The following HGFAC variants were observed in gnomAD, a reference collection of about 807,000 sequenced individuals.
HGFAC encodes the protein hepatocyte growth factor activator serine protease.
A neutral mutation model predicts 70.6 loss-of-function variants in HGFAC; 76 were observed. The ratio of observed to expected loss-of-function variants is 1.08; its 90% CI spans 0.89 to 1.30. HGFAC has a LOEUF of 1.30. Among genes scored for constraint, HGFAC ranks in the 50% most tolerant of loss-of-function variants. The pLI is 0.00. For synonymous variants in HGFAC, 464 were observed against 405.3 expected, an observed-to-expected ratio of 1.14 and a Z score of -1.74; for missense variants, 1,044 against 933.7, an observed-to-expected ratio of 1.12 and a Z score of -1.54.
chr4:3,444,154 C>G lies in HGFAC; in HGVS notation c.591C>G (p.Cys197Trp). ...CCCGGGCCTTCACCGGCAAGGACTG[C>G]GGCACAGGTGAGCTGGGCCTCGGAG... ...SCPRAFTGKD[C>W]GTEKCFDETR... Residue 197 changes from cysteine to tryptophan, a missense_variant, in exon 5 of 14, where the codon TGC becomes TGG. Cys to Trp is a radical substitution (Grantham distance 215, BLOSUM62 -2). Transcript: ENST00000382774. 2 of 1,607,528 alleles carry G rather than the reference C, an allele frequency of 1.2e-6. No homozygotes were observed. The highest frequency in any genetic ancestry group is 1.7e-6 in the Non-Finnish European group (2 of 1,177,662).
intron 10 of HGFAC, among the ~76,000 whole-genome samples, 159 bp downstream of exon 10, chr4:3,446,453 G>A (rs1237346913): frequency 6.6e-6 from 1 of 152,072 alleles, no homozygotes. Context: ...TCTGGGTCTT[G>A]GGGCTCAGTC....
chr4:3,446,688 A>T (rs1725525302), intron 10 of HGFAC, among the ~76,000 whole-genome samples: 1 of 152,036 alleles, frequency 6.6e-6, no homozygotes, highest in Admixed American at 6.6e-5. Context: ...CAGCCAGGGA[A>T]ACTGAGGCCC....
Position 3,447,612 on chromosome 4 carries a change from C to A in HGFAC, c.1476C>A (p.Asn492Lys). 6.2e-7 allele frequency: 1 copy of A among 1,612,660 alleles called. No individual in the cohort carries two copies. The highest frequency in any genetic ancestry group is 8.5e-7 in the Non-Finnish European group (1 of 1,179,870). The change falls in exon 11 of 14, where the codon AAC becomes AAA. Residue 492 changes from asparagine (N) to lysine (K), a missense_variant. Physicochemically the swap from Asn to Lys is moderately conservative, Grantham distance 94. Transcript: ENST00000382774. ...YIPYTLYSVF[N>K]PSDHDLVLIR... ...CGTACACCCTGTACTCGGTGTTCAA[C>A]CCCAGCGACCACGACCTCGGTGAGC... is the stretch of plus-strand genomic sequence containing the variant.
At chr4:3,443,239 C>A in intron 3 of HGFAC, 93 bp downstream of exon 3, 1 of 1,311,792 alleles carries the variant, frequency 7.6e-7, no homozygotes, top group Non-Finnish European at 1.0e-6. Flanking sequence ...GCGCTCACCA[C>A]GCAGCAGGCG....
chr4:3,444,500 C>G, intron 6 of HGFAC, 58 bp downstream of exon 6: 1 of 1,530,276 alleles, frequency 6.5e-7, no homozygotes, highest in Non-Finnish European at 8.8e-7. Context: ...CTGTCCACAC[C>G]CGAGTGGGAG....
In HGFAC at chr4:3,446,076, C is replaced by T. The variant is rs1280665950; in HGVS notation, c.1137C>T (p.Leu379=). 1 of 1,609,298 alleles carries T rather than the reference C, an allele frequency of 6.2e-7. No homozygotes were observed. Among genetic ancestry groups the T allele is most frequent in the African/African-American group, 1.3e-5 (1 of 74,826 alleles). Residue 379 remains leucine (L), a synonymous_variant, in exon 10 of 14, where the codon CTC becomes CTT. Coordinates refer to ENST00000382774, the MANE Select transcript of HGFAC (RefSeq NM_001528.4). ...CCAGAGTCCAACTGTCACCGGATCT[C>T]CTGGCGACCCTGCCTGAGCCAGCCT... is the stretch of plus-strand genomic sequence containing the variant. ...SLTRVQLSPD[L]LATLPEPASP...
rs75531905 is a variant in HGFAC, at chr4:3,448,031, T to A, written c.1632T>A (p.Asp544Glu). ...KCQIAGWGHL[D>E]ENVSGYSSSL... The stretch of plus-strand genomic sequence containing the variant: ...AGATTGCGGGCTGGGGCCACTTGGA[T>A]GAGAGTGAGTTGGGAGGGGGGCGCC... Residue 544 changes from aspartate (D) to glutamate (E), a missense_variant, in exon 12 of 14, where the codon GAT becomes GAA. Coordinates refer to ENST00000382774, the MANE Select transcript of HGFAC (RefSeq NM_001528.4). The A allele has an allele frequency of 2.6e-6, 4 of 1,556,956 alleles. No homozygotes were observed. The African/African-American group carries it at 5.5e-5, about 21-fold the overall frequency.
Position 3,443,150 on chromosome 4 carries a change from G to A in HGFAC, c.395+4G>A, listed in dbSNP as rs779096499. 129 of 1,522,972 alleles carry A rather than the reference G, an allele frequency of 8.5e-5. No individual in the cohort carries two copies. The highest frequency in any genetic ancestry group is 1.1e-4 in the Non-Finnish European group (126 of 1,138,248). 94.3% of individuals were successfully genotyped at this position (1,522,972 alleles called of 1,614,324 possible). A position where few individuals can be genotyped will look rare whatever the true frequency, so the allele number is the denominator to read the frequency against. On this transcript the variant is annotated splice_donor_region_variant and intron_variant, in intron 3 of 13. Coordinates refer to ENST00000382774, the MANE Select transcript of HGFAC (RefSeq NM_001528.4). The stretch of plus-strand genomic sequence containing the variant: ...AGGGCAGTGCACACAGGAAGTGGTG[G>A]GTCCGGGCAGCCGGGGCACCCGAGC...
In HGFAC at chr4:3,444,316, T is replaced by C; in HGVS notation, c.604T>C (p.Cys202Arg). The C allele has an allele frequency of 6.3e-7, 1 of 1,589,890 alleles. No individual in the cohort carries two copies. Among genetic ancestry groups the C allele is most frequent in the Admixed American group, 1.8e-5 (1 of 56,124 alleles). The part of the protein sequence containing the change: ...FTGKDCGTEK[C>R]FDETRYEYLE... ...GCTTACTGTGCACCCCTCAGAGAAATGCTTTGATGAGACCCGCTACGAGTA... is the reference window on the plus strand; with the variant it reads ...GCTTACTGTGCACCCCTCAGAGAAACGCTTTGATGAGACCCGCTACGAGTA... Residue 202 changes from cysteine to arginine, a missense_variant, in exon 6 of 14, where the codon TGC (cysteine) becomes CGC (arginine). Transcript: ENST00000382774.
At chr4:3,445,525 C>A in intron 9 of HGFAC, 175 bp downstream of exon 9, 1 of 627,670 alleles carries the variant, frequency 1.6e-6, no homozygotes, top group Non-Finnish European at 2.9e-6. Context: ...ACTGGGGTCA[C>A]AGTGGGGAAG....
chr4:3,444,516 G>T, intron 6 of HGFAC, 74 bp downstream of exon 6: 1 of 1,516,040 alleles, frequency 6.6e-7, no homozygotes, highest in Non-Finnish European at 8.8e-7. Flanking sequence ...GGGAGGAATG[G>T]CCTGAGGTCA....
At chr4:3,444,189 GGT>G in intron 5 of HGFAC, 28 bp downstream of exon 5, 2 of 1,577,612 alleles carry the variant, frequency 1.3e-6, no homozygotes, top group Non-Finnish European at 1.7e-6. Context: ...GGTCCGCAGG[GGT>G]CCAGGGGCCG....
At chr4:3,444,601 A>G in intron 6 of HGFAC, 22 bp from the exon 7 acceptor site, 1 of 1,570,862 alleles carries the variant, frequency 6.4e-7, no homozygotes. Flanking sequence ...CCCCTGGCCC[A>G]GCTCCTCGGC....
chr4:3,444,975 G>T lies in HGFAC; in HGVS notation c.998G>T (p.Gly333Val), dbSNP rs545303850. Residue 333 changes from glycine (G) to valine (V), a missense_variant, in exon 8 of 14, where the codon GGC becomes GTC. Coordinates refer to ENST00000382774, the MANE Select transcript of HGFAC (RefSeq NM_001528.4). ...SVGAAALLGL[G>V]PHAYCRNPDN... ...GGCGCCGCGGCCCTGCTGGGCCTGG[G>T]CCCCCATGCCTACTGCCGGTCAGCA... 38 of 1,596,094 alleles carry T rather than the reference G, an allele frequency of 2.4e-5. No individual in the cohort carries two copies. In the East Asian group the frequency reaches 7.6e-4, roughly 32 times the overall value.
rs578125150 is a variant in HGFAC, at chr4:3,447,656, C to T, written c.1495+25C>T. On this transcript the variant is annotated intron_variant, in intron 11 of 13. Coordinates refer to ENST00000382774, the MANE Select transcript of HGFAC (RefSeq NM_001528.4). The stretch of plus-strand genomic sequence containing the variant: ...GGTGAGCTCCGGCGTGTCGTGGCTG[C>T]ACTCTGGGCAGGTGGGCCCTGTGCT... The T allele has an allele frequency of 6.2e-6, 10 of 1,611,004 alleles. No homozygotes were observed. In the South Asian group the frequency reaches 9.9e-5, roughly 16 times the overall value.
chr4:3,449,286 T>C lies in HGFAC; in HGVS notation c.1835T>C (p.Leu612Pro). 6.2e-7 allele frequency: 1 copy of C among 1,612,442 alleles called. No homozygotes were observed. The highest frequency in any genetic ancestry group is 8.5e-7 in the Non-Finnish European group (1 of 1,179,698). Reference protein sequence around the residue: ...LACEKNGVAYLYGIISWGDGC... With the variant: ...LACEKNGVAYPYGIISWGDGC... ...TGCGAGAAGAACGGCGTGGCTTACC[T>C]CTACGGCATCATCAGCTGGGGTGAC... The change falls in exon 14 of 14, where the codon CTC becomes CCC. Residue 612 changes from leucine (L) to proline (P), a missense_variant. Leu to Pro is a moderately conservative substitution (Grantham distance 98, BLOSUM62 -3). Transcript: ENST00000382774.
In HGFAC at chr4:3,445,299, G is replaced by T; in HGVS notation, c.1051G>T (p.Val351Leu). Reference protein sequence around the residue: ...PDNDERPWCYVVKDSALSWEY... With the variant: ...PDNDERPWCYLVKDSALSWEY... ...CAATGACGAGAGGCCCTGGTGCTAC[G>T]TGGTGAAGGACAGCGCGCTCTCCTG... The change falls in exon 9 of 14, where the codon GTG becomes TTG. Residue 351 changes from valine to leucine, a missense_variant. By Grantham distance (32) the Val-to-Leu change is conservative. Coordinates refer to ENST00000382774, the MANE Select transcript of HGFAC (RefSeq NM_001528.4). 1 of 1,589,298 alleles carries T rather than the reference G, an allele frequency of 6.3e-7. No homozygotes were observed.
chr4:3,444,982 T>A lies in HGFAC; in HGVS notation c.1005T>A (p.His335Gln). 6.3e-7 allele frequency: 1 copy of A among 1,592,250 alleles called. No homozygotes were observed. The highest frequency in any genetic ancestry group is 1.1e-5 in the South Asian group (1 of 87,988). The change falls in exon 8 of 14, where the codon CAT becomes CAA. Residue 335 changes from histidine to glutamine, a missense_variant. Physicochemically the swap from His to Gln is conservative, Grantham distance 24. Transcript: ENST00000382774. ...CGGCCCTGCTGGGCCTGGGCCCCCA[T>A]GCCTACTGCCGGTCAGCACCACGCC... ...GAAALLGLGP[H>Q]AYCRNPDNDE...
intron 6 of HGFAC, 48 bp from the exon 7 acceptor site, chr4:3,444,575 G>A (rs757557625): frequency 2.2e-5 from 33 of 1,528,256 alleles, no homozygotes; most frequent in Admixed American, 3.8e-5. Context: ...CTCCGCTGTC[G>A]TGGGGCACTG....
Sources: gnomAD v4.1 joint callset for allele counts (sites outside exome capture counted in the v4.1 genomes callset) on GRCh38, gnomAD v4.1.1 for gene constraint, MANE v1.5 for transcripts, NCBI Gene and HGNC (gene_info 2026-07-23, HGNC 2026-07-21) for gene names.